VPS13B: variants seen among roughly 807,000 people sequenced by gnomAD.
The protein encoded by VPS13B is intermembrane lipid transfer protein VPS13B.
In VPS13B, 285 loss-of-function variants were observed where a neutral mutation model predicts 426.4. The ratio of observed to expected loss-of-function variants is 0.67; its 90% confidence interval spans 0.61 to 0.74. The LOEUF is 0.74. Ranked by LOEUF, VPS13B falls within the 30% of genes least tolerant of loss-of-function variation. The pLI, the probability that VPS13B is intolerant of heterozygous loss-of-function variation, is 0.00. For synonymous variants in VPS13B, 1,676 were observed against 1,676.4 expected, an observed-to-expected ratio of 1.00 and a Z score of 0.01; for missense variants, 4,537 against 4,782.6, an observed-to-expected ratio of 0.95 and a Z score of 1.51.
Position 99,693,777 on chromosome 8 carries a change from G to A in VPS13B, c.6047-5748G>A, listed in dbSNP as rs1229407874. ...AATTGTCCCTGTTTGCAGACGACAT[G>A]ATTGTTTATCTAGAAAACCCCATCG... is the stretch of plus-strand genomic sequence containing the variant. On this transcript the variant is annotated intron_variant, in intron 35 of 61. Coordinates refer to ENST00000357162, the MANE Select transcript of VPS13B (RefSeq NM_152564.5). Among the ~76,000 whole-genome samples the A allele has an allele frequency of 7.4e-5, 11 of 148,960 alleles. No individual in the cohort carries two copies. The South Asian group carries it at 1.5e-3, about 21-fold the overall frequency.
intron 30 of VPS13B, among the ~76,000 whole-genome samples, chr8:99,548,936 A>G (rs1824133725): frequency 1.3e-5 from 2 of 152,074 alleles, no homozygotes; most frequent in Non-Finnish European, 2.9e-5. Context: ...CATATTAGCT[A>G]ATTCTTCAAA....
At chr8:99,158,204 C>T (rs1811459830) in intron 15 of VPS13B, among the ~76,000 whole-genome samples, 1 of 152,204 alleles carries the variant, frequency 6.6e-6, no homozygotes, top group South Asian at 2.1e-4. Flanking sequence ...CTAGGACTTA[C>T]ATAGCTAGGG....
At position 99,651,713 on chromosome 8, in the gene VPS13B, T is replaced by C. The variant is rs536790073; in HGVS notation, c.5908+9215T>C. The stretch of plus-strand genomic sequence containing the variant: ...TTGTTTAAGGTAATGGAGTCCAGAT[T>C]TGAAATTGCCTCATGTCTTGACTAT... On this transcript the variant is annotated intron_variant, in intron 34 of 61. Transcript: ENST00000357162. Among the ~76,000 whole-genome samples, 5 of 152,334 alleles carry C rather than the reference T, an allele frequency of 3.3e-5. No individual in the cohort carries two copies. In the South Asian group the frequency reaches 1.0e-3, roughly 32 times the overall value.
intron 23 of VPS13B, among the ~76,000 whole-genome samples, chr8:99,466,599 G>A (rs1819125349): frequency 6.6e-6 from 1 of 152,108 alleles, no homozygotes; most frequent in Non-Finnish European, 1.5e-5. Flanking sequence ...AGATAAGTCA[G>A]TAAAAGCTCA....
At chr8:99,294,514 C>A (rs995420127) in intron 19 of VPS13B, among the ~76,000 whole-genome samples, 8 of 149,660 alleles carry the variant, frequency 5.3e-5, no homozygotes, top group African/African-American at 2.0e-4. Flanking sequence ...ACAATGTGCA[C>A]ATGTACCCTA....
chr8:99,103,097 A>G lies in VPS13B; in HGVS notation c.557A>G (p.Asp186Gly), dbSNP rs373678127. ...AECYTVGELW[D>G]RAFMDISATD... ...TGTTATACAGTAGGTGAATTATGGG[A>G]TCGTGCATTCATGGATATTTCTGGT... The change falls in exon 5 of 62, where the codon GAT (aspartate) becomes GGT (glycine). Residue 186 changes from aspartate to glycine, a missense_variant. By Grantham distance (94) the Asp-to-Gly change is moderately conservative. Coordinates refer to ENST00000357162, the MANE Select transcript of VPS13B (RefSeq NM_152564.5). 3.0e-5 allele frequency: 48 copies of G among 1,614,016 alleles called. 2 individuals carry two copies. In the African/African-American group the frequency reaches 3.6e-4, roughly 12 times the overall value.
chr8:99,182,818 C>T (rs938625873), intron 16 of VPS13B, among the ~76,000 whole-genome samples: 2 of 152,206 alleles, frequency 1.3e-5, no homozygotes, highest in Non-Finnish European at 2.9e-5. Context: ...CTCACTGCAA[C>T]CTCTTTCTCC....
chr8:99,874,798 G>GTACTT (rs1163196860), intron 61 of VPS13B, among the ~76,000 whole-genome samples: 22 of 152,168 alleles, frequency 1.4e-4, no homozygotes, highest in African/African-American at 4.8e-4. Context: ...AACAATAAAT[G>GTACTT]TACTTTACAT....
intron 47 of VPS13B, 55 bp from the exon 48 acceptor site, chr8:99,819,357 A>T (rs1395266775): frequency 6.3e-7 from 1 of 1,589,542 alleles, no homozygotes; most frequent in Non-Finnish European, 8.6e-7. Context: ...TCAATAAATT[A>T]TATACCACTT....
chr8:99,530,439 ACC>A (rs1242899523), intron 30 of VPS13B, among the ~76,000 whole-genome samples: 2 of 152,076 alleles, frequency 1.3e-5, no homozygotes, highest in Non-Finnish European at 2.9e-5. Context: ...ACATGGTGAA[ACC>A]CTATTTCTAC....
chr8:99,273,919 C>G (rs1011269973), intron 17 of VPS13B, among the ~76,000 whole-genome samples: 3 of 152,030 alleles, frequency 2.0e-5, no homozygotes, highest in South Asian at 4.2e-4. Context: ...AAAATTATTT[C>G]TTGTTTTTTT....
At chr8:99,871,724 A>G (rs746158935) in intron 61 of VPS13B, 27 bp downstream of exon 61, 23 of 1,612,210 alleles carry the variant, frequency 1.4e-5, no homozygotes, top group Non-Finnish European at 1.8e-5. Context: ...AGGGCAACCA[A>G]GACTAGCTGG....
At chr8:99,089,286 T>G (rs1445144017) in intron 3 of VPS13B, among the ~76,000 whole-genome samples, 5 of 152,172 alleles carry the variant, frequency 3.3e-5, no homozygotes, top group African/African-American at 1.2e-4. Flanking sequence ...TTTTTCTGTT[T>G]GTCTCTTTTT....
intron 19 of VPS13B, among the ~76,000 whole-genome samples, chr8:99,302,876 C>T (rs953542039): frequency 6.6e-6 from 1 of 152,090 alleles, no homozygotes; most frequent in Non-Finnish European, 1.5e-5. Flanking sequence ...TTCTATTGAA[C>T]GCATATTGCT....
chr8:99,275,379 G>A (rs1818846544), intron 19 of VPS13B, 125 bp downstream of exon 19: 1 of 877,904 alleles, frequency 1.1e-6, no homozygotes, highest in East Asian at 2.9e-5. Flanking sequence ...TTACTCTGCA[G>A]TTGTGCTTTT....
At chr8:99,333,590 A>C (rs1022033480) in intron 19 of VPS13B, among the ~76,000 whole-genome samples, 3 of 151,862 alleles carry the variant, frequency 2.0e-5, no homozygotes, top group Non-Finnish European at 4.4e-5. Context: ...CACCATAGTC[A>C]AGATACAGAA....
chr8:99,392,554 T>A (rs1261294713), intron 21 of VPS13B, among the ~76,000 whole-genome samples: 3 of 152,054 alleles, frequency 2.0e-5, no homozygotes, highest in African/African-American at 4.8e-5. Context: ...TCAAGTCTGT[T>A]ATGGGCAAGA....
At chr8:99,052,043 C>T (rs1295158012) in intron 3 of VPS13B, among the ~76,000 whole-genome samples, 2 of 150,976 alleles carry the variant, frequency 1.3e-5, no homozygotes, top group African/African-American at 2.4e-5. Flanking sequence ...GCCTGATTGC[C>T]CTGGCCAGAA....
chr8:99,802,343 T>C (rs1305253277), intron 43 of VPS13B, among the ~76,000 whole-genome samples: 3 of 152,132 alleles, frequency 2.0e-5, no homozygotes, highest in African/African-American at 7.2e-5. Context: ...AGAGGGCAAG[T>C]TGGGAAAATT....
Sources: allele counts gnomAD v4.1 joint callset (sites outside exome capture counted in the v4.1 genomes callset), GRCh38; gene constraint gnomAD v4.1.1; transcripts MANE v1.5; gene names NCBI Gene and HGNC (gene_info 2026-07-23, HGNC 2026-07-21).